UNC80: variants seen among roughly 807,000 people sequenced by gnomAD.
UNC80 encodes the protein unc-80 subunit of NALCN channel complex, also known as protein unc-80 homolog.
UNC80 carries 164 observed loss-of-function variants against 384.6 expected under a neutral mutation model. The ratio of observed to expected loss-of-function variants is 0.43; its 90% CI spans 0.38 to 0.49. The LOEUF (loss-of-function observed/expected upper bound fraction) is 0.49. UNC80 is among the 20% of genes least tolerant of loss of function. The pLI is 0.00. For synonymous variants in UNC80, 1,486 were observed against 1,527.8 expected (o/e 0.97, Z 0.64); for missense variants, 3,330 against 4,143.0 (o/e 0.80, Z 5.39).
In UNC80 at chr2:209,975,328, T is replaced by C. The variant is rs1314153612; in HGVS notation, c.8588-791T>C. On this transcript the variant is annotated intron_variant, in intron 56 of 64. Transcript: ENST00000673920. ...GTAGTGGCAGAGGGAGCTCCCGTCA[T>C]AATCTTTGATGTCTTCACAATACTC... Among the ~76,000 whole-genome samples, 6 of 152,316 alleles carry C rather than the reference T, an allele frequency of 3.9e-5. No homozygotes were observed. In the South Asian group the frequency reaches 1.2e-3, roughly 32 times the overall value.
In UNC80 at chr2:209,817,918, C is replaced by G. The variant is rs144752663; in HGVS notation, c.1659C>G (p.Pro553=). ...HHTLVSDLPD[P]SNSHGENTVK... ...CCCTGGTAAGCGACCTGCCGGACCC[C>G]TCCAACAGCCATGGAGAAAACACCG... Residue 553 remains proline (P), a synonymous_variant, in exon 11 of 65, where the codon CCC becomes CCG. Coordinates refer to ENST00000673920, the MANE Select transcript of UNC80 (RefSeq NM_001371986.1). 3,645 of 1,551,636 alleles carry G rather than the reference C, an allele frequency of 2.3e-3. 77 individuals carry two copies. The African/African-American group carries it at 0.04, about 17-fold the overall frequency.
rs934735292 is a variant in UNC80 at position 209,919,177 on chromosome 2, A to C, written c.5343+514A>C. Among the ~76,000 whole-genome samples the C allele has an allele frequency of 2.0e-5, 3 of 152,230 alleles. No individual in the cohort carries two copies. The South Asian group carries it at 6.2e-4, about 31-fold the overall frequency. On this transcript the variant is annotated intron_variant, in intron 33 of 64. Transcript: ENST00000673920. ...ATATAACTCATAAACGGTCAGATTT[A>C]GAACACAGTCCATTTATAGACAAAA...
intron 34 of UNC80, 147 bp downstream of exon 34, chr2:209,921,833 A>G (rs1183078235): frequency 2.8e-6 from 3 of 1,077,284 alleles, no homozygotes; most frequent in Non-Finnish European, 3.9e-6. Flanking sequence ...AAAGAAAGAG[A>G]AAAGTTGTTT....
At position 209,976,054 on chromosome 2, in the gene UNC80, A is replaced by G. The variant is rs1253713724; in HGVS notation, c.8588-65A>G. The G allele has an allele frequency of 4.1e-6, 6 of 1,475,656 alleles. No individual in the cohort carries two copies. Among genetic ancestry groups the G allele is most frequent in the Admixed American group, 2.6e-5 (1 of 38,354 alleles). The allele number at this position is 1,475,656 out of a possible 1,614,324, so 91.4% of individuals were successfully genotyped here. A position where few individuals can be genotyped will look rare whatever the true frequency, so the allele number is the denominator to read the frequency against. ...TCTAAAGGTGCATAAAGGGCTCTGGATGTAGGTTGGGTTCCTCGGAAGCAC... is the reference window on the plus strand; with the variant it reads ...TCTAAAGGTGCATAAAGGGCTCTGGGTGTAGGTTGGGTTCCTCGGAAGCAC... On this transcript the variant is annotated intron_variant, in intron 56 of 64. Transcript: ENST00000673920. The surrounding 1 kb of genome is among the most constrained non-coding windows in gnomAD (Gnocchi z 4.3).
At chr2:209,955,734 TATATACACACACAC>T (rs1307427510) in intron 48 of UNC80, among the ~76,000 whole-genome samples, 15 of 64,146 alleles carry the variant, frequency 2.3e-4, no homozygotes, top group African/African-American at 1.7e-3. Context: ...TATATATATA[TATATACACACACAC>T]ACACACACAC....
chr2:209,926,993 T>G lies in UNC80; in HGVS notation c.5806+7T>G. On this transcript the variant is annotated splice_region_variant and intron_variant, in intron 36 of 64. Coordinates refer to ENST00000673920, the MANE Select transcript of UNC80 (RefSeq NM_001371986.1). ...CGGGAAGATGGAGTAGCAGGTACAGTTTTGAACAGTCAGATCATCAGTGAC... is the reference window on the plus strand; with the variant it reads ...CGGGAAGATGGAGTAGCAGGTACAGGTTTGAACAGTCAGATCATCAGTGAC... 6.4e-7 allele frequency: 1 copy of G among 1,551,350 alleles called. No homozygotes were observed. Among genetic ancestry groups the G allele is most frequent in the Non-Finnish European group, 8.7e-7 (1 of 1,146,776 alleles).
In UNC80 at chr2:209,914,681, G is replaced by GTA. The variant is rs1553596303; in HGVS notation, c.5029+746_5029+747dup. Among the ~76,000 whole-genome samples, 12 of 149,664 alleles carry GTA rather than the reference G, an allele frequency of 8.0e-5. 1 individual carries two copies. Among genetic ancestry groups the GTA allele is most frequent in the African/African-American group, 2.2e-4 (9 of 40,424 alleles). ...TGTGTGTGTGTGTGTGTGTGTGTGTGTATATAAATACACACATATATGTAT... is the reference window on the plus strand; with the variant it reads ...TGTGTGTGTGTGTGTGTGTGTGTGTGTATATATAAATACACACATATATGTAT... On this transcript the variant is annotated intron_variant, in intron 31 of 64. Coordinates refer to ENST00000673920, the MANE Select transcript of UNC80 (RefSeq NM_001371986.1).
intron 22 of UNC80, among the ~76,000 whole-genome samples, chr2:209,850,742 G>A (rs958082101): frequency 6.6e-6 from 1 of 152,090 alleles, no homozygotes. Flanking sequence ...TGTTCAATGT[G>A]TGTTGATATG....
At chr2:209,987,435 G>A (rs1220696815) in intron 61 of UNC80, among the ~76,000 whole-genome samples, 2 of 152,160 alleles carry the variant, frequency 1.3e-5, no homozygotes, top group African/African-American at 2.4e-5. Context: ...TTCCATGGGA[G>A]AATTCTCTTC....
chr2:209,876,513 C>G (rs1007707917), intron 23 of UNC80, among the ~76,000 whole-genome samples: 11 of 152,118 alleles, frequency 7.2e-5, no homozygotes, highest in Non-Finnish European at 1.5e-4. Flanking sequence ...ATTTTTTGAG[C>G]AGCCCTTTAA....
intron 28 of UNC80, among the ~76,000 whole-genome samples, chr2:209,903,564 CTATA>C (rs61356406): frequency 1.4e-3 from 2 of 1,452 alleles, no homozygotes; most frequent in African/African-American, 8.8e-3. Flanking sequence ...TATATATATA[CTATA>C]TATATAGTAT....
At position 209,977,005 on chromosome 2, in the gene UNC80, G is replaced by C. The variant is rs772743904; in HGVS notation, c.8865G>C (p.Leu2955Phe). Residue 2955 changes from leucine (L) to phenylalanine (F), a missense_variant, in exon 58 of 65, where the codon TTG becomes TTC. Around this residue, in one of 8 missense-constraint regions of UNC80, gnomAD observed 216 missense variants for 245.3 expected, o/e 0.88. Transcript: ENST00000673920. ...QLERRFIPRP[L>F]CKSSLIAEFN... is the part of the protein sequence containing the mutation. Reference sequence around the variant, plus strand: ...AGCGGCGCTTCATACCACGCCCTTTGTGTAAGAGCTCGCTCATTGCTGAGT... The same window carrying C: ...AGCGGCGCTTCATACCACGCCCTTTCTGTAAGAGCTCGCTCATTGCTGAGT... 1.3e-6 allele frequency: 2 copies of C among 1,539,142 alleles called. No individual in the cohort carries two copies. Among genetic ancestry groups the C allele is most frequent in the South Asian group, 1.2e-5 (1 of 83,522 alleles).
At position 209,993,481 on chromosome 2, in the gene UNC80, C is replaced by A. The variant is rs547523241; in HGVS notation, c.9508+55C>A. 1.3e-4 allele frequency: 192 copies of A among 1,473,550 alleles called. 2 individuals carry two copies. In the Admixed American group the frequency reaches 3.7e-3, roughly 29 times the overall value. The allele number at this position is 1,473,550 out of a possible 1,614,324, so 91.3% of individuals were successfully genotyped here. On this transcript the variant is annotated intron_variant, in intron 63 of 64. Coordinates refer to ENST00000673920, the MANE Select transcript of UNC80 (RefSeq NM_001371986.1). The stretch of plus-strand genomic sequence containing the variant: ...ACCATTGACATGATGCCATGCAACT[C>A]ACCCAGGAAGGCTTACAAAAACCAA...
chr2:209,967,569 G>A lies in UNC80; in HGVS notation c.7938G>A (p.Pro2646=), dbSNP rs750175498. ...ITDWTAEAVR[P]ALILILKRLD... ...ACTGGACAGCTGAGGCAGTGAGGCCGGCCCTCATCCTCATTTTAAAAAGAT... is the reference window on the plus strand; with the variant it reads ...ACTGGACAGCTGAGGCAGTGAGGCCAGCCCTCATCCTCATTTTAAAAAGAT... The change falls in exon 52 of 65, where the codon CCG becomes CCA. Residue 2646 remains proline, a synonymous_variant. Transcript: ENST00000673920. The A allele has an allele frequency of 1.4e-5, 21 of 1,551,458 alleles. No individual in the cohort carries two copies. The highest frequency in any genetic ancestry group is 1.1e-4 in the African/African-American group (8 of 72,980).
chr2:209,857,174 A>G (rs2082998335), intron 22 of UNC80, among the ~76,000 whole-genome samples: 1 of 152,204 alleles, frequency 6.6e-6, no homozygotes, highest in South Asian at 2.1e-4. Flanking sequence ...CACTTAGGCT[A>G]GTCGAGGCTC....
chr2:209,776,605 CA>C (rs951374316), intron 3 of UNC80, among the ~76,000 whole-genome samples: 4 of 152,190 alleles, frequency 2.6e-5, no homozygotes, highest in African/African-American at 9.6e-5. Flanking sequence ...AAAAACAACA[CA>C]AAAAAATTAA....
intron 6 of UNC80, 149 bp downstream of exon 6, chr2:209,789,754 T>A: frequency 1.8e-6 from 1 of 562,308 alleles, no homozygotes; most frequent in Admixed American, 3.4e-5. Context: ...GCTTCAGGTT[T>A]TTTATCAGTC....
Position 209,926,964 on chromosome 2 carries a change from G to A in UNC80, c.5784G>A (p.Glu1928=). The A allele has an allele frequency of 6.4e-7, 1 of 1,552,042 alleles. No homozygotes were observed. Among genetic ancestry groups the A allele is most frequent in the Non-Finnish European group, 8.7e-7 (1 of 1,147,012 alleles). Residue 1928 remains glutamate, a synonymous_variant, in exon 36 of 65, where the codon GAG becomes GAA. Transcript: ENST00000673920. ...LPIVHLMEDG[E]VREDGVAVSA... ...TTGTTCATCTGATGGAGGATGGTGA[G>A]GTGCGGGAAGATGGAGTAGCAGGTA...
intron 17 of UNC80, among the ~76,000 whole-genome samples, chr2:209,834,422 A>T (rs911560571): frequency 6.6e-6 from 1 of 152,224 alleles, no homozygotes; most frequent in African/African-American, 2.4e-5. Context: ...ACTACACGTC[A>T]TAGCTCTTAA....
Sources: gnomAD v4.1 joint callset for allele counts (sites outside exome capture counted in the v4.1 genomes callset) on GRCh38, gnomAD v4.1.1 for gene constraint, gnomAD v4.1.1 regional missense constraint, Gnocchi (gnomAD v3.1) non-coding constraint, MANE v1.5 for transcripts, NCBI Gene and HGNC (gene_info 2026-07-23, HGNC 2026-07-21) for gene names.